Variants in CLSTN2 observed in about 807,000 individuals in gnomAD.
CLSTN2 encodes calsyntenin-2.
Under a neutral mutation model 101.2 loss-of-function variants are expected in CLSTN2, and 48 were observed. The observed-to-expected ratio is 0.47, with a 90% CI of 0.38 to 0.60. CLSTN2 has a LOEUF of 0.60. Ranked by LOEUF, CLSTN2 falls within the 20% of genes least tolerant of loss-of-function variation. The probability of loss-of-function intolerance (pLI) is 0.00; values close to 1 mark genes in which losing one functional copy is unlikely to be tolerated. For synonymous variants in CLSTN2, 481 were observed against 463.6 expected, an observed-to-expected ratio of 1.04 and a Z score of -0.48; for missense variants, 1,160 against 1,238.2, an observed-to-expected ratio of 0.94 and a Z score of 0.95.
At chr3:140,153,030 G>A (rs2009891383) in intron 1 of CLSTN2, among the ~76,000 whole-genome samples, 1 of 152,220 alleles carries the variant, frequency 6.6e-6, no homozygotes, top group Non-Finnish European at 1.5e-5. Context: ...GGTTTATGTG[G>A]TGTCACAGGT....
chr3:140,089,683 G>C (rs1329397734), intron 1 of CLSTN2, among the ~76,000 whole-genome samples: 1 of 151,366 alleles, frequency 6.6e-6, no homozygotes, highest in Non-Finnish European at 1.5e-5. Context: ...TGCAACCTTG[G>C]CTTACTGCAG....
chr3:140,322,091 G>T (rs1250092221), intron 2 of CLSTN2, among the ~76,000 whole-genome samples: 1 of 152,228 alleles, frequency 6.6e-6, no homozygotes, highest in East Asian at 1.9e-4. Flanking sequence ...CAGGGGCAGA[G>T]TGTTAGTCAT....
At position 139,943,892 on chromosome 3, in the gene CLSTN2, T is replaced by G. The variant is rs1935176470; in HGVS notation, c.109+8409T>G. ...TTCATCCTTACAACCCAAACCTCCT[T>G]CTTAGAACAGGCAGCCATACCCCTT... On this transcript the variant is annotated intron_variant, in intron 1 of 16. Transcript: ENST00000458420. Among the ~76,000 whole-genome samples the G allele has an allele frequency of 2.6e-5, 4 of 152,212 alleles. No individual in the cohort carries two copies. In the South Asian group the frequency reaches 8.3e-4, roughly 32 times the overall value.
intron 2 of CLSTN2, among the ~76,000 whole-genome samples, chr3:140,185,093 C>T (rs1179419412): frequency 6.6e-6 from 1 of 152,140 alleles, no homozygotes; most frequent in Non-Finnish European, 1.5e-5. Flanking sequence ...TCTGCTGCTC[C>T]CTGTTAACTT....
At chr3:140,485,423 A>C (rs948285396) in intron 8 of CLSTN2, among the ~76,000 whole-genome samples, 11 of 152,228 alleles carry the variant, frequency 7.2e-5, no homozygotes, top group Admixed American at 4.6e-4. Flanking sequence ...TTGAGGAGGC[A>C]GTCTGTCTGT....
intron 1 of CLSTN2, among the ~76,000 whole-genome samples, chr3:140,050,050 C>G (rs761092606): frequency 2.0e-5 from 3 of 152,206 alleles, no homozygotes. Flanking sequence ...ATCTGTGTAA[C>G]AGCAGTCCCT....
chr3:140,394,943 C>T (rs1359970028), intron 2 of CLSTN2, among the ~76,000 whole-genome samples: 1 of 152,182 alleles, frequency 6.6e-6, no homozygotes, highest in East Asian at 1.9e-4. Context: ...ACCAGGCAGA[C>T]CATTATTTCA....
At chr3:140,024,762 C>A (rs148180317) in intron 1 of CLSTN2, among the ~76,000 whole-genome samples, 1 of 152,294 alleles carries the variant, frequency 6.6e-6, no homozygotes, top group African/African-American at 2.4e-5. Flanking sequence ...ACAGTCAGAC[C>A]TTTCCAACCT....
At chr3:140,079,594 A>G (rs545454297) in intron 1 of CLSTN2, among the ~76,000 whole-genome samples, 2 of 152,170 alleles carry the variant, frequency 1.3e-5, no homozygotes, top group East Asian at 3.9e-4. Context: ...TACTAAAAAT[A>G]TAAAAAATTA....
At chr3:140,321,343 C>T (rs1289614883) in intron 2 of CLSTN2, among the ~76,000 whole-genome samples, 1 of 152,148 alleles carries the variant, frequency 6.6e-6, no homozygotes, top group Non-Finnish European at 1.5e-5. Context: ...CCACCTTTGA[C>T]CAGCTCTGTC....
chr3:140,385,793 T>G (rs1178831787), intron 2 of CLSTN2, among the ~76,000 whole-genome samples: 1 of 152,194 alleles, frequency 6.6e-6, no homozygotes, highest in Non-Finnish European at 1.5e-5. Context: ...CTTAGAATTC[T>G]AATTACTCAC....
chr3:140,234,528 G>A (rs1278529158), intron 2 of CLSTN2, among the ~76,000 whole-genome samples: 1 of 152,268 alleles, frequency 6.6e-6, no homozygotes, highest in East Asian at 1.9e-4. Context: ...GTCATGTCAA[G>A]CTCTTATCAC....
chr3:140,419,847 A>G lies in CLSTN2; in HGVS notation c.638-1278A>G, dbSNP rs1266018551. On this transcript the variant is annotated intron_variant, in intron 4 of 16. Transcript: ENST00000458420. ...TACGTATATGTGTATATATATGTGT[A>G]TATATATATGTATATATATATATGT... 2.3e-4 allele frequency among the ~76,000 whole-genome samples: 24 copies of G among 103,024 alleles called. 4 individuals are homozygous for G. In the South Asian group the frequency reaches 4.5e-3, roughly 19 times the overall value. 67.6% of individuals were successfully genotyped at this position (103,024 alleles called of 152,430 possible). A position where few individuals can be genotyped will look rare whatever the true frequency, so the allele number is the denominator to read the frequency against.
intron 5 of CLSTN2, among the ~76,000 whole-genome samples, chr3:140,438,642 C>G (rs2088712887): frequency 6.6e-6 from 1 of 152,040 alleles, no homozygotes; most frequent in Non-Finnish European, 1.5e-5. Context: ...TCCATCTTTA[C>G]ACTAATAATA....
intron 11 of CLSTN2, among the ~76,000 whole-genome samples, chr3:140,557,854 G>A (rs955167200): frequency 5.3e-5 from 8 of 152,198 alleles, no homozygotes; most frequent in Non-Finnish European, 4.4e-5. Flanking sequence ...GAGGTCTGAC[G>A]AGAAGTTCAA....
chr3:140,416,378 A>AACAC (rs3035956), intron 4 of CLSTN2, among the ~76,000 whole-genome samples: 1 of 151,156 alleles, frequency 6.6e-6, no homozygotes, highest in Admixed American at 6.6e-5. Context: ...CACACACACA[A>AACAC]ACACACACAC....
intron 8 of CLSTN2, chr3:140,505,945 C>T (rs1325650180): frequency 6.6e-6 from 1 of 152,184 alleles, no homozygotes; most frequent in African/African-American, 2.4e-5. Flanking sequence ...GAACTTCTTT[C>T]GAACACACAC....
rs1297164139 is a variant in CLSTN2, at chr3:140,570,111, A to G, written c.*3858A>G. The G allele has an allele frequency of 6.6e-6, 1 of 152,168 alleles. No homozygotes were observed. Among genetic ancestry groups the G allele is most frequent in the Non-Finnish European group, 1.5e-5 (1 of 68,036 alleles). 9.4% of individuals were successfully genotyped at this position (152,168 alleles called of 1,614,324 possible). ...AGAGAGCTGGGGGTGGTGAGAAGCA[A>G]TGTCCCCCATTCCTATATGTCAGGT... On this transcript the variant is annotated 3_prime_UTR_variant, in exon 17 of 17. Transcript: ENST00000458420.
chr3:140,067,322 C>A (rs1022101049), intron 1 of CLSTN2, among the ~76,000 whole-genome samples: 1 of 152,154 alleles, frequency 6.6e-6, no homozygotes, highest in African/African-American at 2.4e-5. Flanking sequence ...TCTGAAACTG[C>A]AAAATTCGTG....
Sources: allele counts gnomAD v4.1 joint callset (sites outside exome capture counted in the v4.1 genomes callset), GRCh38; gene constraint gnomAD v4.1.1; transcripts MANE v1.5; gene names NCBI Gene and HGNC (gene_info 2026-07-23, HGNC 2026-07-21).